ECT2: variants seen among roughly 807,000 people sequenced by gnomAD.
ECT2 encodes epithelial cell transforming 2.
A neutral mutation model predicts 116.9 loss-of-function variants in ECT2; 61 were observed. The observed-to-expected ratio is 0.52, with a 90% CI of 0.42 to 0.65. The LOEUF (loss-of-function observed/expected upper bound fraction) is 0.65. ECT2 is among the 30% of genes least tolerant of loss of function. The pLI is 0.00. For synonymous variants in ECT2, 358 were observed against 346.4 expected (o/e 1.03, Z -0.37); for missense variants, 937 against 1,078.7 (o/e 0.87, Z 1.84).
chr3:172,765,921 T>C (rs951822979), intron 12 of ECT2, among the ~76,000 whole-genome samples: 3 of 152,228 alleles, frequency 2.0e-5, no homozygotes, highest in African/African-American at 7.2e-5. Flanking sequence ...GAAATCTGCG[T>C]GGATTGTCTG....
intron 24 of ECT2, chr3:172,818,790 G>T (rs1487916166): frequency 7.9e-7 from 1 of 1,264,572 alleles, no homozygotes; most frequent in Admixed American, 2.4e-5. Flanking sequence ...AACCACTAAT[G>T]GAAACAAGCC....
At chr3:172,771,261 A>G (rs1720582968) in intron 13 of ECT2, 1 of 152,248 alleles carries the variant, frequency 6.6e-6, no homozygotes, top group Non-Finnish European at 1.5e-5. Context: ...CAAAATGATC[A>G]TATAAGTCAG....
intron 1 of ECT2, 24 bp from the exon 2 acceptor site, chr3:172,754,485 T>C (rs1459423793): frequency 1.3e-6 from 2 of 1,503,736 alleles, no homozygotes; most frequent in East Asian, 4.9e-5. Flanking sequence ...TTTATGTATT[T>C]TTATTCAAAT....
At chr3:172,781,055 CTA>C (rs1459015697) in intron 14 of ECT2, among the ~76,000 whole-genome samples, 56 of 152,112 alleles carry the variant, frequency 3.7e-4, no homozygotes, top group Middle Eastern at 3.4e-3. Flanking sequence ...AGATTGTTTT[CTA>C]TGTTTTCTTC....
At chr3:172,757,904 T>A (rs1369431346) in intron 5 of ECT2, among the ~76,000 whole-genome samples, 3 of 152,170 alleles carry the variant, frequency 2.0e-5, no homozygotes, top group African/African-American at 7.2e-5. Flanking sequence ...TTTATTTATT[T>A]AATAAATAAA....
chr3:172,822,455 C>CTAAG (rs1427415046), downstream of ECT2, among the ~76,000 whole-genome samples: 4 of 151,876 alleles, frequency 2.6e-5, no homozygotes, highest in African/African-American at 9.7e-5. Context: ...AGCCATAATG[C>CTAAG]TAAGTGTAGA....
Position 172,762,520 on chromosome 3 carries a change from A to C in ECT2, c.863A>C (p.Asn288Thr), listed in dbSNP as rs1273376276. Residue 288 changes from asparagine to threonine, a missense_variant, in exon 9 of 25, where the codon AAT becomes ACT. Asn to Thr is a moderately conservative substitution (Grantham distance 65). Transcript: ENST00000392692. ...GGATTTTCAGATGAAGAGAAAACCA[A>C]TATGGAAGAAATGACTGAAATGCAA... ...FLGFSDEEKT[N>T]MEEMTEMQGG... 10 of 1,595,392 alleles carry C rather than the reference A, an allele frequency of 6.3e-6. No individual in the cohort carries two copies. Among genetic ancestry groups the C allele is most frequent in the East Asian group, 2.2e-5 (1 of 44,698 alleles).
chr3:172,802,195 A>G (rs192122087), intron 18 of ECT2, among the ~76,000 whole-genome samples: 4 of 151,870 alleles, frequency 2.6e-5, no homozygotes, highest in Admixed American at 2.6e-4. Context: ...ACTCACTGCA[A>G]CCTCCTCCTC....
At chr3:172,780,042 C>G (rs1003038245) in intron 14 of ECT2, among the ~76,000 whole-genome samples, 4 of 152,130 alleles carry the variant, frequency 2.6e-5, no homozygotes, top group Non-Finnish European at 4.4e-5. Flanking sequence ...ATCTTTATTT[C>G]TACACCCAGC....
chr3:172,795,949 A>G (rs1725566343), intron 18 of ECT2, among the ~76,000 whole-genome samples: 1 of 152,204 alleles, frequency 6.6e-6, no homozygotes, highest in Non-Finnish European at 1.5e-5. Flanking sequence ...TAATTAAAAA[A>G]CAATGATTTT....
rs199830636 is a variant in ECT2 at position 172,783,919 on chromosome 3, G to A, written c.1728+10G>A. ...TCATGCTTTTCTCAAGGTAATGTGT[G>A]TTTCTTTCAAATAAAAATTTGAGAA... On this transcript the variant is annotated intron_variant, in intron 16 of 24. Coordinates refer to ENST00000392692, the MANE Select transcript of ECT2 (RefSeq NM_001258315.2). 5 of 1,491,662 alleles carry A rather than the reference G, an allele frequency of 3.4e-6. No homozygotes were observed. Among genetic ancestry groups the A allele is most frequent in the Non-Finnish European group, 3.6e-6 (4 of 1,096,388 alleles). The allele number at this position is 1,491,662 out of a possible 1,614,324, so 92.4% of individuals were successfully genotyped here. A position where few individuals can be genotyped will look rare whatever the true frequency, so the allele number is the denominator to read the frequency against.
Position 172,795,323 on chromosome 3 carries a change from C to CAA in ECT2, c.1908-7273_1908-7272dup, listed in dbSNP as rs35674521. On this transcript the variant is annotated intron_variant, in intron 18 of 24. Transcript: ENST00000392692. ...CCTGGGTGACAGAGTGAGACGCTAT[C>CAA]AAAAAAAAAAAAAAAAAAAAATTTT... Among the ~76,000 whole-genome samples, 583 of 104,360 alleles carry CAA rather than the reference C, an allele frequency of 5.6e-3. 4 individuals carry two copies. The highest frequency in any genetic ancestry group is 9.2e-3 in the Non-Finnish European group (469 of 50,734). 68.5% of individuals were successfully genotyped at this position (104,360 alleles called of 152,430 possible).
chr3:172,796,538 A>C (rs1725682040), intron 18 of ECT2: 1 of 152,162 alleles, frequency 6.6e-6, no homozygotes, highest in Non-Finnish European at 1.5e-5. Flanking sequence ...ATTGGCTACG[A>C]TACTGCCACT....
In ECT2 at chr3:172,761,469, TTGTC is replaced by T. The variant is rs1311945190; in HGVS notation, c.685-137_685-134del. On this transcript the variant is annotated intron_variant, in intron 7 of 24. Coordinates refer to ENST00000392692, the MANE Select transcript of ECT2 (RefSeq NM_001258315.2). ...CTAACTTGTATGATTGGAAGATAGT[TTGTC>T]TGTTAATTTTTAAATTATTTTGTTA... The T allele has an allele frequency of 2.4e-4, 139 of 575,026 alleles. 1 individual carries two copies. The East Asian group carries it at 3.6e-3, about 15-fold the overall frequency. The allele number at this position is 575,026 out of a possible 1,614,324, so 35.6% of individuals were successfully genotyped here. A position where few individuals can be genotyped will look rare whatever the true frequency, so the allele number is the denominator to read the frequency against.
chr3:172,806,943 A>G (rs761830291), intron 21 of ECT2, among the ~76,000 whole-genome samples: 19 of 152,064 alleles, frequency 1.2e-4, no homozygotes, highest in Non-Finnish European at 1.8e-4. Flanking sequence ...GCACCCCGCC[A>G]AGAAATGATT....
intron 18 of ECT2, among the ~76,000 whole-genome samples, chr3:172,797,827 C>T (rs2108943195): frequency 6.6e-6 from 1 of 152,214 alleles, no homozygotes; most frequent in Admixed American, 6.5e-5. Flanking sequence ...ACAAAAGAAA[C>T]AACAGATTTT....
intron 1 of ECT2, among the ~76,000 whole-genome samples, chr3:172,752,623 T>A (rs1462185941): frequency 6.6e-6 from 1 of 152,116 alleles, no homozygotes; most frequent in Admixed American, 6.5e-5. Context: ...TGATTCTAAA[T>A]TAAGGCTGTT....
At chr3:172,752,033 A>G (rs570791221) in intron 1 of ECT2, 10 of 151,954 alleles carry the variant, frequency 6.6e-5, no homozygotes, top group African/African-American at 2.4e-4. Context: ...ATCATCTGCT[A>G]TGCTCCCTCC....
At position 172,762,751 on chromosome 3, in the gene ECT2, T is replaced by C. The variant is rs371845005; in HGVS notation, c.950T>C (p.Ile317Thr). 22 of 1,613,154 alleles carry C rather than the reference T, an allele frequency of 1.4e-5. No individual in the cohort carries two copies. The highest frequency in any genetic ancestry group is 1.7e-5 in the Non-Finnish European group (20 of 1,179,676). The change falls in exon 10 of 25, where the codon ATA becomes ACA. Residue 317 changes from isoleucine to threonine, a missense_variant. Coordinates refer to ENST00000392692, the MANE Select transcript of ECT2 (RefSeq NM_001258315.2). Reference sequence around the variant, plus strand: ...ACTCACCTTGTAGTTGAAGAGAATATAGTAAAAGATCTTCCCTTTGAACCT... The same window carrying C: ...ACTCACCTTGTAGTTGAAGAGAATACAGTAAAAGATCTTCCCTTTGAACCT... ...RCTHLVVEENIVKDLPFEPSK... is the reference protein window; with the variant it reads ...RCTHLVVEENTVKDLPFEPSK...
Sources: allele counts gnomAD v4.1 joint callset (sites outside exome capture counted in the v4.1 genomes callset), GRCh38; gene constraint gnomAD v4.1.1; transcripts MANE v1.5; gene names NCBI Gene and HGNC (gene_info 2026-07-23, HGNC 2026-07-21).